The following NRIP1 variants were observed in gnomAD, a reference collection of about 807,000 sequenced individuals.
NRIP1 encodes the protein nuclear receptor interacting protein 1.
In NRIP1, 28 loss-of-function variants were observed where a neutral mutation model predicts 75.0. That is an observed-to-expected ratio of 0.37 (90% CI 0.28 to 0.51). NRIP1 has a LOEUF of 0.51. NRIP1 is among the 20% of genes least tolerant of loss of function. The pLI, the probability that NRIP1 is intolerant of heterozygous loss-of-function variation, is 0.92. For missense variants in NRIP1, 1,435 were observed against 1,343.7 expected (o/e 1.07, Z -1.06); for synonymous variants, 526 against 487.6 (o/e 1.08, Z -1.04).
chr21:15,031,865 C>T (rs1389860011), intron 2 of NRIP1, among the ~76,000 whole-genome samples: 1 of 151,370 alleles, frequency 6.6e-6, no homozygotes, highest in Non-Finnish European at 1.5e-5. Flanking sequence ...CATTCCCTTT[C>T]TATGTGTATA....
In NRIP1 at chr21:14,965,744, C is replaced by T; in HGVS notation, c.2449G>A (p.Gly817Ser). 1 of 1,613,912 alleles carries T rather than the reference C, an allele frequency of 6.2e-7. No individual in the cohort carries two copies. The highest frequency in any genetic ancestry group is 8.5e-7 in the Non-Finnish European group (1 of 1,179,954). The change falls in exon 4 of 4, where the codon GGT (glycine) becomes AGT (serine). Residue 817 changes from glycine to serine, a missense_variant. Physicochemically the swap from Gly to Ser is moderately conservative, Grantham distance 56. Transcript: ENST00000318948. ...TGTCTTAGCAATCGACTTAGCAGAC[C>T]ATTCTTGGAGAAAGAAAAATCCTGA... is the stretch of plus-strand genomic sequence containing the variant. ...SPQDFSFSKNGLLSRLLRQNQ... is the reference protein window; with the variant it reads ...SPQDFSFSKNSLLSRLLRQNQ...
chr21:15,040,438 A>T (rs1430750954), intron 2 of NRIP1, among the ~76,000 whole-genome samples: 3 of 152,100 alleles, frequency 2.0e-5, no homozygotes, highest in Non-Finnish European at 4.4e-5. Flanking sequence ...TTAATTTTTC[A>T]AATACTTATA....
intron 3 of NRIP1, among the ~76,000 whole-genome samples, chr21:15,013,138 G>A (rs893541696): frequency 1.3e-5 from 2 of 151,982 alleles, no homozygotes; most frequent in African/African-American, 2.4e-5. Context: ...AAATAATTGC[G>A]TCATTGATTT....
chr21:15,065,816 G>C (rs1027809881), upstream of NRIP1: 7 of 152,456 alleles, frequency 4.6e-5, no homozygotes, highest in African/African-American at 1.7e-4. Flanking sequence ...AGTCTCCAGC[G>C]GAGTCTGTCA....
At chr21:15,026,005 A>G (rs6517180) in intron 2 of NRIP1, among the ~76,000 whole-genome samples, 43,979 of 152,030 alleles carry the variant, frequency 0.29, 8,837 homozygotes, top group African/African-American at 0.58. Context: ...ACGATTAGAT[A>G]GTAGTGATGA....
chr21:15,062,513 A>G (rs745618491), intron 1 of NRIP1, among the ~76,000 whole-genome samples: 2 of 152,260 alleles, frequency 1.3e-5, no homozygotes, highest in South Asian at 4.1e-4. Context: ...ACTCCGTTTT[A>G]AAATCTTCTG....
At chr21:14,972,898 T>A (rs1402308807) in intron 3 of NRIP1, among the ~76,000 whole-genome samples, 1 of 152,210 alleles carries the variant, frequency 6.6e-6, no homozygotes, top group Non-Finnish European at 1.5e-5. Context: ...GCTCAGGCGG[T>A]AATGCTTGCT....
At chr21:14,995,807 T>C (rs982020084) in intron 3 of NRIP1, among the ~76,000 whole-genome samples, 3 of 152,042 alleles carry the variant, frequency 2.0e-5, no homozygotes, top group African/African-American at 7.2e-5. Context: ...ACTCACTTCC[T>C]AACTGGCCCT....
In NRIP1 at chr21:14,967,726, C is replaced by T. The variant is rs1312819274; in HGVS notation, c.467G>A (p.Ser156Asn). The part of the protein sequence containing the change: ...TVALSQQIRQ[S>N]LKEQGYALSH... ...GAGGGCATATCCTTGCTCCTTGAGGCTCTGCCTGATTTGTTGTGACAGAGC... is the reference window on the plus strand; with the variant it reads ...GAGGGCATATCCTTGCTCCTTGAGGTTCTGCCTGATTTGTTGTGACAGAGC... Residue 156 changes from serine (S) to asparagine (N), a missense_variant, in exon 4 of 4, where the codon AGC becomes AAC. Ser to Asn is a conservative substitution (Grantham distance 46). Coordinates refer to ENST00000318948, the MANE Select transcript of NRIP1 (RefSeq NM_003489.4). The T allele has an allele frequency of 1.2e-6, 2 of 1,614,060 alleles. No homozygotes were observed. Among genetic ancestry groups the T allele is most frequent in the Non-Finnish European group, 1.7e-6 (2 of 1,180,048 alleles).
At chr21:14,997,797 T>G (rs1045730125) in intron 3 of NRIP1, among the ~76,000 whole-genome samples, 1 of 151,514 alleles carries the variant, frequency 6.6e-6, no homozygotes, top group Non-Finnish European at 1.5e-5. Flanking sequence ...ATTTGTCTTC[T>G]CATTTAATCC....
At chr21:15,019,747 C>T (rs1486980910) in intron 2 of NRIP1, among the ~76,000 whole-genome samples, 5 of 151,990 alleles carry the variant, frequency 3.3e-5, no homozygotes, top group Non-Finnish European at 7.4e-5. Context: ...CTAGACCTTC[C>T]AAAGTGCTGG....
chr21:15,050,135 A>G lies in NRIP1; in HGVS notation c.-537-6561T>C, dbSNP rs141854643. ...ATCTTGGTATTTTAATTTTCTTTCT[A>G]TAAGAAACAATTCAGAGTCAGACAT... On this transcript the variant is annotated intron_variant, in intron 1 of 3. Transcript: ENST00000318948. 1.1e-3 allele frequency: 168 copies of G among 152,826 alleles called. 2 individuals are homozygous for G. Among genetic ancestry groups the G allele is most frequent in the African/African-American group, 3.8e-3 (158 of 41,576 alleles). 9.5% of individuals were successfully genotyped at this position (152,826 alleles called of 1,614,324 possible). A position where few individuals can be genotyped will look rare whatever the true frequency, so the allele number is the denominator to read the frequency against.
chr21:14,968,100 C>A lies in NRIP1; in HGVS notation c.93G>T (p.Gly31=), dbSNP rs1236618425. The change falls in exon 4 of 4, where the codon GGG becomes GGT. Residue 31 remains glycine (G), a synonymous_variant. Coordinates refer to ENST00000318948, the MANE Select transcript of NRIP1 (RefSeq NM_003489.4). ...TTTTGTCAACGGCAGTACCTGATCC[C>A]CCTGCTGCCTGATGCATTAGTAATC... ...LEGLLMHQAA[G]GSGTAVDKKS... 3 of 1,614,084 alleles carry A rather than the reference C, an allele frequency of 1.9e-6. No homozygotes were observed. The highest frequency in any genetic ancestry group is 2.5e-6 in the Non-Finnish European group (3 of 1,179,986).
At chr21:15,026,712 G>A (rs1457487651) in intron 2 of NRIP1, among the ~76,000 whole-genome samples, 2 of 151,952 alleles carry the variant, frequency 1.3e-5, no homozygotes, top group Admixed American at 1.3e-4. Context: ...AAAGGACCCA[G>A]CAACCATCCA....
chr21:15,006,876 T>C (rs569233694), intron 3 of NRIP1, among the ~76,000 whole-genome samples: 8 of 152,284 alleles, frequency 5.3e-5, no homozygotes, highest in African/African-American at 1.7e-4. Flanking sequence ...GACTGAAATA[T>C]GTAAAAAGTG....
chr21:15,019,764 A>G (rs2088327410), intron 2 of NRIP1, among the ~76,000 whole-genome samples: 1 of 152,050 alleles, frequency 6.6e-6, no homozygotes, highest in African/African-American at 2.4e-5. Context: ...CTGGGATGAC[A>G]GGCATAAGCC....
chr21:15,021,294 C>A (rs2088367911), intron 2 of NRIP1, among the ~76,000 whole-genome samples: 1 of 152,114 alleles, frequency 6.6e-6, no homozygotes, highest in Non-Finnish European at 1.5e-5. Context: ...CGAAAGATAT[C>A]TATATTGTAT....
intron 3 of NRIP1, among the ~76,000 whole-genome samples, chr21:15,009,950 T>A (rs1387013917): frequency 6.6e-6 from 1 of 152,040 alleles, no homozygotes; most frequent in East Asian, 1.9e-4. Flanking sequence ...AGCACTAGCT[T>A]GGAGGACAGG....
chr21:15,052,557 C>T (rs566281801), intron 1 of NRIP1, among the ~76,000 whole-genome samples: 2 of 152,228 alleles, frequency 1.3e-5, no homozygotes, highest in South Asian at 2.1e-4. Flanking sequence ...TTTTCCCCCG[C>T]GATACTTCAC....
Sources: allele counts gnomAD v4.1 joint callset (sites outside exome capture counted in the v4.1 genomes callset), GRCh38; gene constraint gnomAD v4.1.1; transcripts MANE v1.5; gene names NCBI Gene and HGNC (gene_info 2026-07-23, HGNC 2026-07-21).